NLGN1: variants seen among roughly 807,000 people sequenced by gnomAD.
The protein encoded by NLGN1 is neuroligin-1.
A neutral mutation model predicts 65.5 loss-of-function variants in NLGN1; 12 were observed. The observed-to-expected ratio is 0.18, with a 90% CI of 0.12 to 0.30. The LOEUF is 0.30. NLGN1 is among the 10% of genes least tolerant of loss of function. The pLI is 1.00. For missense variants in NLGN1, 750 were observed against 1,007.1 expected (o/e 0.74, Z 3.46); for synonymous variants, 350 against 359.5 (o/e 0.97, Z 0.30).
At chr3:173,592,930 T>G (rs561222426) in intron 2 of NLGN1, among the ~76,000 whole-genome samples, 83 of 152,278 alleles carry the variant, frequency 5.5e-4, no homozygotes, top group African/African-American at 1.9e-3. Context: ...TGGGCTACCC[T>G]TCTCTCAGTT....
chr3:174,171,378 T>C (rs1728494577), intron 4 of NLGN1, among the ~76,000 whole-genome samples: 1 of 152,112 alleles, frequency 6.6e-6, no homozygotes, highest in Admixed American at 6.6e-5. Context: ...ACAAAGCCTG[T>C]TATTTCTATT....
chr3:173,504,418 G>A (rs1731658419), intron 2 of NLGN1, among the ~76,000 whole-genome samples: 1 of 152,000 alleles, frequency 6.6e-6, no homozygotes, highest in African/African-American at 2.4e-5. Context: ...CCCGTATATT[G>A]AATTTACTTC....
intron 4 of NLGN1, among the ~76,000 whole-genome samples, chr3:173,873,807 T>C (rs1560535551): frequency 6.6e-6 from 1 of 152,150 alleles, no homozygotes; most frequent in Non-Finnish European, 1.5e-5. Flanking sequence ...GCTGAACTGT[T>C]TCCCAAAAAA....
chr3:174,157,757 GA>G, intron 4 of NLGN1, among the ~76,000 whole-genome samples: 1 of 151,872 alleles, frequency 6.6e-6, no homozygotes, highest in African/African-American at 2.4e-5. Flanking sequence ...CAAGCATGGG[GA>G]AGAAGCAAGG....
At chr3:173,490,634 G>C (rs1458779585) in intron 2 of NLGN1, among the ~76,000 whole-genome samples, 2 of 152,156 alleles carry the variant, frequency 1.3e-5, no homozygotes, top group Non-Finnish European at 2.9e-5. Flanking sequence ...TGTGAAGAAA[G>C]TCATTAGTAG....
intron 2 of NLGN1, among the ~76,000 whole-genome samples, chr3:173,459,727 A>C (rs1723061717): frequency 6.6e-6 from 1 of 152,158 alleles, no homozygotes; most frequent in Admixed American, 6.6e-5. Context: ...TTATGCTATA[A>C]TGATAAGCCA....
In NLGN1 at chr3:174,027,067, A is replaced by T. The variant is rs2008069; in HGVS notation, c.646+219235A>T. Among the ~76,000 whole-genome samples the T allele has an allele frequency of 2.1e-3, 182 of 84,780 alleles. 1 individual carries two copies. The East Asian group carries it at 0.052, about 24-fold the overall frequency. The allele number at this position is 84,780 out of a possible 152,430, so 55.6% of individuals were successfully genotyped here. A position where few individuals can be genotyped will look rare whatever the true frequency, so the allele number is the denominator to read the frequency against. On this transcript the variant is annotated intron_variant, in intron 4 of 6. Transcript: ENST00000457714. Reference sequence around the variant, plus strand: ...AAGTTTGGTCTAGTTCAATTTTTTTAAAAAAAAAAAAAGAAAAAGAAATAT... The same window carrying T: ...AAGTTTGGTCTAGTTCAATTTTTTTTAAAAAAAAAAAAGAAAAAGAAATAT...
intron 2 of NLGN1, among the ~76,000 whole-genome samples, chr3:173,491,962 T>G (rs1157772142): frequency 6.6e-6 from 1 of 151,710 alleles, no homozygotes; most frequent in African/African-American, 2.4e-5. Flanking sequence ...CCACCTGTGA[T>G]CCTTAGCACC....
chr3:174,245,859 G>T (rs765633114), intron 4 of NLGN1, among the ~76,000 whole-genome samples: 4 of 152,106 alleles, frequency 2.6e-5, no homozygotes, highest in South Asian at 2.1e-4. Context: ...AGATGGAAAG[G>T]TTACCTAATA....
chr3:173,777,619 GTCTGTCTGTCTGTCTATCTATCTA>G (rs6148195), intron 3 of NLGN1, among the ~76,000 whole-genome samples: 80,239 of 142,916 alleles, frequency 0.56, 23,167 homozygotes, highest in Non-Finnish European at 0.67. Context: ...CTGTCTGTCT[GTCTGTCTGTCTGTCTATCTATCTA>G]TCTATCTATC....
At chr3:173,790,180 G>GTA (rs1198643304) in intron 3 of NLGN1, among the ~76,000 whole-genome samples, 3 of 152,056 alleles carry the variant, frequency 2.0e-5, no homozygotes, top group Non-Finnish European at 4.4e-5. Context: ...ATGTGTGTGT[G>GTA]TATATATATA....
chr3:173,947,327 G>A (rs1433126585), intron 4 of NLGN1, among the ~76,000 whole-genome samples: 2 of 152,000 alleles, frequency 1.3e-5, no homozygotes, highest in Non-Finnish European at 2.9e-5. Context: ...TGGCTCAGTT[G>A]TTAGGATTAA....
intron 3 of NLGN1, among the ~76,000 whole-genome samples, chr3:173,610,197 T>C (rs1235019182): frequency 6.6e-6 from 1 of 151,956 alleles, no homozygotes; most frequent in African/African-American, 2.4e-5. Flanking sequence ...ATCAATTTGC[T>C]GTGGGCTGTG....
chr3:173,553,941 C>T (rs774671210), intron 2 of NLGN1, among the ~76,000 whole-genome samples: 1 of 152,088 alleles, frequency 6.6e-6, no homozygotes, highest in Non-Finnish European at 1.5e-5. Flanking sequence ...GTGATATTCG[C>T]ACATCAAAGA....
At chr3:173,647,765 TAGA>T (rs1299890835) in intron 3 of NLGN1, among the ~76,000 whole-genome samples, 1 of 152,076 alleles carries the variant, frequency 6.6e-6, no homozygotes, top group Non-Finnish European at 1.5e-5. Flanking sequence ...GAAACTATTA[TAGA>T]AGAATAGGAG....
intron 4 of NLGN1, among the ~76,000 whole-genome samples, chr3:174,100,283 A>AG (rs1561041364): frequency 6.6e-6 from 1 of 152,012 alleles, no homozygotes; most frequent in African/African-American, 2.4e-5. Context: ...TGGTAAAAAA[A>AG]AAAAAACTTT....
intron 4 of NLGN1, among the ~76,000 whole-genome samples, chr3:173,988,296 C>A (rs1297230686): frequency 1.3e-5 from 2 of 152,084 alleles, no homozygotes; most frequent in Admixed American, 1.3e-4. Flanking sequence ...CAACAAAAAC[C>A]AGACCATTGT....
intron 4 of NLGN1, among the ~76,000 whole-genome samples, chr3:173,832,733 A>G (rs1722859102): frequency 6.6e-6 from 1 of 152,242 alleles, no homozygotes; most frequent in South Asian, 2.1e-4. Context: ...TTTTTAAAGT[A>G]ATACATGTAC....
At chr3:173,665,060 T>C (rs1364897856) in intron 3 of NLGN1, among the ~76,000 whole-genome samples, 1 of 152,072 alleles carries the variant, frequency 6.6e-6, no homozygotes, top group Non-Finnish European at 1.5e-5. Flanking sequence ...ATACAAGAAA[T>C]ACATCTTGCT....
Sources: allele counts gnomAD v4.1 joint callset (sites outside exome capture counted in the v4.1 genomes callset), GRCh38; gene constraint gnomAD v4.1.1; transcripts MANE v1.5; gene names NCBI Gene and HGNC (gene_info 2026-07-23, HGNC 2026-07-21).